FANCL: variants seen among roughly 807,000 people sequenced by gnomAD.
The protein encoded by FANCL is E3 ubiquitin-protein ligase FANCL.
In FANCL, 69 loss-of-function variants were observed where a neutral mutation model predicts 59.4. The ratio of observed to expected loss-of-function variants is 1.16; its 90% confidence interval spans 0.96 to 1.42. The LOEUF (loss-of-function observed/expected upper bound fraction) is 1.42, where lower values mean the gene tolerates loss of function less well. Among genes scored for constraint, FANCL ranks in the 40% most tolerant of loss-of-function variants. FANCL has a pLI of 0.00. For missense variants in FANCL, 519 were observed against 447.2 expected (o/e 1.16, Z -1.45); for synonymous variants, 180 against 147.1 (o/e 1.22, Z -1.62).
At chr2:58,206,304 A>AGAAATATT (rs1257407824) in intron 5 of FANCL, among the ~76,000 whole-genome samples, 39 of 152,102 alleles carry the variant, frequency 2.6e-4, no homozygotes, top group African/African-American at 9.4e-4. Context: ...TAAAAAATAA[A>AGAAATATT]GAAATATTGC....
Position 58,173,982 on chromosome 2 carries a change from C to T in FANCL, c.541-8108G>A, listed in dbSNP as rs573188785. Among the ~76,000 whole-genome samples the T allele has an allele frequency of 3.3e-5, 5 of 152,046 alleles. No homozygotes were observed. In the East Asian group the frequency reaches 9.7e-4, roughly 29 times the overall value. On this transcript the variant is annotated intron_variant, in intron 7 of 13. Coordinates refer to ENST00000233741, the MANE Select transcript of FANCL (RefSeq NM_018062.4). The stretch of plus-strand genomic sequence containing the variant: ...GGAAAACAAAAAAAGGCAGGGGTTG[C>T]AATCCTAGTCTCTGATAAAACAGAC...
intron 7 of FANCL, among the ~76,000 whole-genome samples, chr2:58,190,258 A>T (rs1244399983): frequency 6.6e-6 from 1 of 152,020 alleles, no homozygotes; most frequent in Non-Finnish European, 1.5e-5. Flanking sequence ...TCATTTAAAA[A>T]ATCTGCTAGT....
rs562512390 is a variant in FANCL at position 58,237,506 on chromosome 2, GAAGA to G, written c.96+3708_96+3711del. On this transcript the variant is annotated intron_variant, in intron 1 of 13. Transcript: ENST00000233741. ...AGCACTAAATATCTGTACTAGAATA[GAAGA>G]AAGATCTCATATCAATAATCTTCCA... Among the ~76,000 whole-genome samples the G allele has an allele frequency of 3.3e-4, 50 of 152,068 alleles. No homozygotes were observed. In the East Asian group the frequency reaches 7.7e-3, roughly 24 times the overall value.
At chr2:58,179,865 A>G (rs1687748725) in intron 7 of FANCL, among the ~76,000 whole-genome samples, 1 of 152,188 alleles carries the variant, frequency 6.6e-6, no homozygotes, top group South Asian at 2.1e-4. Flanking sequence ...TCTACAAGGA[A>G]CTTAAATTTA....
At chr2:58,161,125 C>A (rs1222783955) in intron 12 of FANCL, among the ~76,000 whole-genome samples, 1 of 151,970 alleles carries the variant, frequency 6.6e-6, no homozygotes, top group African/African-American at 2.4e-5. Context: ...GTAATAGATA[C>A]TACATAGTAC....
chr2:58,167,660 C>T (rs2104832730), intron 7 of FANCL, among the ~76,000 whole-genome samples: 1 of 152,242 alleles, frequency 6.6e-6, no homozygotes. Flanking sequence ...AACAAAACAT[C>T]CCTGGAACTA....
chr2:58,187,263 T>C (rs1688496571), intron 7 of FANCL, among the ~76,000 whole-genome samples: 1 of 152,040 alleles, frequency 6.6e-6, no homozygotes, highest in African/African-American at 2.4e-5. Flanking sequence ...ATGTCCTTTG[T>C]TGGGACACGG....
rs1694494717 is a variant in FANCL, at chr2:58,241,083, C to T, written c.96+135G>A. The T allele has an allele frequency of 1.0e-5, 9 of 898,854 alleles. No homozygotes were observed. In the South Asian group the frequency reaches 1.1e-4, roughly 11 times the overall value. The allele number at this position is 898,854 out of a possible 1,614,324, so 55.7% of individuals were successfully genotyped here. ...CGGCGCTTCTCAAACCTTTAGTCTC[C>T]CAAGAGCCGTTACGCGCCGCCCCTC... On this transcript the variant is annotated intron_variant, in intron 1 of 13. Transcript: ENST00000233741.
At chr2:58,214,225 T>C (rs1273407851) in intron 5 of FANCL, among the ~76,000 whole-genome samples, 1 of 152,164 alleles carries the variant, frequency 6.6e-6, no homozygotes. Context: ...ATGATAGAGA[T>C]ATTCATATCC....
At position 58,159,457 on chromosome 2, in the gene FANCL, G is replaced by A. The variant is rs776536382; in HGVS notation, c.*308C>T. 1.5e-5 allele frequency: 24 copies of A among 1,613,430 alleles called. No homozygotes were observed. The highest frequency in any genetic ancestry group is 5.3e-5 in the African/African-American group (4 of 74,874). On this transcript the variant is annotated 3_prime_UTR_variant, in exon 14 of 14. Coordinates refer to ENST00000233741, the MANE Select transcript of FANCL (RefSeq NM_018062.4). Reference sequence around the variant, plus strand: ...TACACAATTCCCAAACTCATTTTATGAGCCTCATCAAGATTTTACCAGTCC... The same window carrying A: ...TACACAATTCCCAAACTCATTTTATAAGCCTCATCAAGATTTTACCAGTCC...
intron 7 of FANCL, among the ~76,000 whole-genome samples, chr2:58,186,034 C>T (rs1688369040): frequency 6.6e-6 from 1 of 152,098 alleles, no homozygotes; most frequent in African/African-American, 2.4e-5. Context: ...ATACAGTAGT[C>T]ACAGAAAATT....
chr2:58,212,732 C>A (rs1489923366), intron 5 of FANCL, among the ~76,000 whole-genome samples: 1 of 151,902 alleles, frequency 6.6e-6, no homozygotes, highest in Non-Finnish European at 1.5e-5. Context: ...GTATCACTTA[C>A]CTTTGTGAGC....
chr2:58,223,686 C>A (rs989835031), intron 4 of FANCL, among the ~76,000 whole-genome samples: 5 of 151,934 alleles, frequency 3.3e-5, no homozygotes, highest in Admixed American at 6.6e-5. Context: ...TATTTTGAGG[C>A]CTTAGGCTTC....
At chr2:58,175,733 T>C (rs1687230795) in intron 7 of FANCL, among the ~76,000 whole-genome samples, 1 of 152,190 alleles carries the variant, frequency 6.6e-6, no homozygotes, top group Non-Finnish European at 1.5e-5. Context: ...AGGACAGGGA[T>C]GCCCTCTCTC....
chr2:58,235,502 G>T (rs1256014598), intron 1 of FANCL, among the ~76,000 whole-genome samples: 1 of 152,028 alleles, frequency 6.6e-6, no homozygotes, highest in Non-Finnish European at 1.5e-5. Flanking sequence ...AAATTACTTG[G>T]AAAGATCAAA....
intron 7 of FANCL, among the ~76,000 whole-genome samples, chr2:58,189,786 A>G (rs998054612): frequency 6.6e-6 from 1 of 152,096 alleles, no homozygotes; most frequent in African/African-American, 2.4e-5. Flanking sequence ...TAATTTCCAC[A>G]AAGTGCCAGA....
chr2:58,182,830 T>C (rs1221999742), intron 7 of FANCL, among the ~76,000 whole-genome samples: 3 of 151,724 alleles, frequency 2.0e-5, no homozygotes, highest in Non-Finnish European at 4.4e-5. Flanking sequence ...ACTAACAATA[T>C]AGAAGATGCA....
rs774791078 is a variant in FANCL at position 58,159,667 on chromosome 2, G to A, written c.*98C>T. ...CATCATACCTGTCCTTTTGATGTTA[G>A]TATTTCTTGCTTTATTTTTTCTCTG... On this transcript the variant is annotated 3_prime_UTR_variant, in exon 14 of 14. Coordinates refer to ENST00000233741, the MANE Select transcript of FANCL (RefSeq NM_018062.4). 2 of 1,612,960 alleles carry A rather than the reference G, an allele frequency of 1.2e-6. No homozygotes were observed. Among genetic ancestry groups the A allele is most frequent in the South Asian group, 2.2e-5 (2 of 90,898 alleles).
Position 58,165,776 on chromosome 2 carries a change from T to C in FANCL, c.639A>G (p.Val213=). The C allele has an allele frequency of 6.2e-7, 1 of 1,614,134 alleles. No homozygotes were observed. The highest frequency in any genetic ancestry group is 8.5e-7 in the Non-Finnish European group (1 of 1,179,986). The stretch of plus-strand genomic sequence containing the variant: ...TCCGTGGAGGTTTTTCTGGCTCAAG[T>C]ACCCAGGTCTTCTCATCGATTTCAT... The part of the protein sequence containing the change: ...VMDEIDEKTW[V]LEPEKPPRSA... The change falls in exon 8 of 14, where the codon GTA becomes GTG. Residue 213 remains valine (V), a synonymous_variant. Transcript: ENST00000233741.
Sources: gnomAD v4.1 joint callset for allele counts (sites outside exome capture counted in the v4.1 genomes callset) on GRCh38, gnomAD v4.1.1 for gene constraint, MANE v1.5 for transcripts, NCBI Gene and HGNC (gene_info 2026-07-23, HGNC 2026-07-21) for gene names.